SP2: variants seen among roughly 807,000 people sequenced by gnomAD.
The protein encoded by SP2 is Sp2 transcription factor, also known as transcription factor Sp2.
Under a neutral mutation model 50.1 loss-of-function variants are expected in SP2, and 9 were observed. That is an observed-to-expected ratio of 0.18 (90% confidence interval 0.11 to 0.31). The LOEUF is 0.31. SP2 is among the 10% of genes least tolerant of loss of function. The pLI is 1.00. For missense variants in SP2, 581 were observed against 806.5 expected (o/e 0.72, Z 3.39); for synonymous variants, 313 against 326.6 (o/e 0.96, Z 0.45).
At chr17:47,926,722 G>A (rs1347076957) in intron 6 of SP2, among the ~76,000 whole-genome samples, 2 of 151,746 alleles carry the variant, frequency 1.3e-5, no homozygotes, top group East Asian at 1.9e-4. Flanking sequence ...CTAGGAGTTC[G>A]AGACCAGCCA....
intron 1 of SP2, chr17:47,898,591 ATACT>A (rs1161301603): frequency 6.6e-6 from 1 of 152,096 alleles, no homozygotes; most frequent in African/African-American, 2.4e-5. Context: ...TTTTTTTCTA[ATACT>A]TATTTTTTCA....
intron 1 of SP2, chr17:47,909,663 G>A (rs981624061): frequency 1.0e-5 from 10 of 975,506 alleles, no homozygotes; most frequent in African/African-American, 3.5e-5. Context: ...TTGTTTTACA[G>A]AGGGCACTAG....
At position 47,898,388 on chromosome 17, in the gene SP2, G is replaced by A. The variant is rs558489778; in HGVS notation, c.7+2095G>A. On this transcript the variant is annotated intron_variant, in intron 1 of 6. Coordinates refer to ENST00000376741, the MANE Select transcript of SP2 (RefSeq NM_003110.6). ...TGGTTAATACCAGCTTTTTGGAGAA[G>A]TTGAACAGTCCTTTGCTATAGGTCT... The A allele has an allele frequency of 8.5e-5, 13 of 152,324 alleles. No homozygotes were observed. In the South Asian group the frequency reaches 2.5e-3, roughly 29 times the overall value. 9.4% of individuals were successfully genotyped at this position (152,324 alleles called of 1,614,324 possible).
intron 1 of SP2, among the ~76,000 whole-genome samples, chr17:47,907,306 C>T (rs561789494): frequency 1.3e-4 from 20 of 152,212 alleles, no homozygotes; most frequent in Non-Finnish European, 2.5e-4. Context: ...AGTCTAGAAA[C>T]TCAGGGGATG....
intron 1 of SP2, among the ~76,000 whole-genome samples, chr17:47,902,143 T>C (rs2034567599): frequency 1.3e-5 from 2 of 152,068 alleles, no homozygotes; most frequent in African/African-American, 2.4e-5. Context: ...AGCCTTTTTC[T>C]ATCTGGGGTG....
intron 1 of SP2, among the ~76,000 whole-genome samples, chr17:47,897,005 G>T (rs550068733): frequency 1.3e-5 from 2 of 152,358 alleles, no homozygotes; most frequent in African/African-American, 4.8e-5. Context: ...TAGCAGAATT[G>T]TGAGAAGTTT....
chr17:47,906,260 G>A (rs1598113148), intron 1 of SP2, among the ~76,000 whole-genome samples: 1 of 152,216 alleles, frequency 6.6e-6, no homozygotes, highest in African/African-American at 2.4e-5. Context: ...ATGAGGACTT[G>A]ATGATTGGTT....
In SP2 at chr17:47,928,293, TCGGGGC is replaced by T. The variant is rs1471972947; in HGVS notation, c.*471_*476del. The T allele has an allele frequency of 6.5e-6, 1 of 153,242 alleles. No individual in the cohort carries two copies. Among genetic ancestry groups the T allele is most frequent in the African/African-American group, 2.5e-5 (1 of 40,456 alleles). 9.5% of individuals were successfully genotyped at this position (153,242 alleles called of 1,614,324 possible). ...GCTTGGCACCCACCTCTGGAGAAAC[TCGGGGC>T]CACCTCCACTCCATGTGCCCAGCCC... On this transcript the variant is annotated 3_prime_UTR_variant, in exon 7 of 7. Transcript: ENST00000376741.
intron 6 of SP2, among the ~76,000 whole-genome samples, chr17:47,926,715 G>C (rs1416392112): frequency 6.6e-6 from 1 of 151,878 alleles, no homozygotes; most frequent in Non-Finnish European, 1.5e-5. Context: ...CTTGAGCCTA[G>C]GAGTTCGAGA....
chr17:47,912,513 C>T (rs554677243), intron 1 of SP2, among the ~76,000 whole-genome samples: 4 of 150,806 alleles, frequency 2.7e-5, no homozygotes, highest in African/African-American at 9.8e-5. Context: ...GGTGTGATCA[C>T]GACTCACTGT....
chr17:47,923,711 T>G (rs1044598824), intron 4 of SP2, among the ~76,000 whole-genome samples: 7 of 152,316 alleles, frequency 4.6e-5, no homozygotes, highest in Middle Eastern at 3.4e-3. Context: ...TGGCTCCTTA[T>G]GTAGGGGGAG....
intron 1 of SP2, chr17:47,897,853 G>A (rs1364166334): frequency 8.1e-6 from 8 of 985,256 alleles, no homozygotes; most frequent in Non-Finnish European, 8.4e-6. Flanking sequence ...TTGGGCTGAT[G>A]ATGTCAGTGT....
At chr17:47,903,962 CA>C (rs1349516268) in intron 1 of SP2, among the ~76,000 whole-genome samples, 221 of 118,182 alleles carry the variant, frequency 1.9e-3, no homozygotes, top group Non-Finnish European at 1.6e-3. Context: ...GACTTTGTCT[CA>C]AAAAAAAAAA....
chr17:47,926,946 G>T (rs960719832), intron 6 of SP2, among the ~76,000 whole-genome samples: 2 of 152,172 alleles, frequency 1.3e-5, no homozygotes, highest in African/African-American at 4.8e-5. Flanking sequence ...GGTGGGACAG[G>T]TCCTACTCCC....
At chr17:47,914,052 G>A (rs973139211) in intron 1 of SP2, among the ~76,000 whole-genome samples, 3 of 152,184 alleles carry the variant, frequency 2.0e-5, no homozygotes, top group East Asian at 3.9e-4. Context: ...ATTGTACTAT[G>A]TAAAAGCGTA....
intron 1 of SP2, among the ~76,000 whole-genome samples, chr17:47,909,263 A>C (rs2034886759): frequency 6.6e-6 from 1 of 152,192 alleles, no homozygotes; most frequent in Admixed American, 6.5e-5. Flanking sequence ...TAGAAATGCA[A>C]TCCAAAATTG....
intron 1 of SP2, among the ~76,000 whole-genome samples, chr17:47,897,168 C>G (rs1012528655): frequency 6.6e-6 from 1 of 152,226 alleles, no homozygotes; most frequent in Non-Finnish European, 1.5e-5. Flanking sequence ...CACCTCCATC[C>G]CCATTGCTGA....
chr17:47,916,749 G>C lies in SP2; in HGVS notation c.678G>C (p.Gly226=). ...VNNLVNASDT[G]APTQLLTESP... ...ACCTTGTGAACGCCAGTGACACCGG[G>C]GCCCCTACTCAGCTCCTCACTGAAA... is the stretch of plus-strand genomic sequence containing the variant. The change falls in exon 3 of 7, where the codon GGG becomes GGC. Residue 226 remains glycine (G), a synonymous_variant. Coordinates refer to ENST00000376741, the MANE Select transcript of SP2 (RefSeq NM_003110.6). The surrounding 1 kb of genome is among the most constrained non-coding windows in gnomAD (Gnocchi z 4.7). 1.2e-6 allele frequency: 2 copies of C among 1,613,120 alleles called. No individual in the cohort carries two copies. The highest frequency in any genetic ancestry group is 1.1e-5 in the South Asian group (1 of 91,024).
intron 1 of SP2, among the ~76,000 whole-genome samples, chr17:47,912,986 T>G (rs2035051473): frequency 6.6e-6 from 1 of 151,628 alleles, no homozygotes; most frequent in Admixed American, 6.6e-5. Context: ...CAGCCTCCTG[T>G]GTAGCTGGGA....
Sources: gnomAD v4.1 joint callset for allele counts (sites outside exome capture counted in the v4.1 genomes callset) on GRCh38, gnomAD v4.1.1 for gene constraint, Gnocchi (gnomAD v3.1) non-coding constraint, MANE v1.5 for transcripts, NCBI Gene and HGNC (gene_info 2026-07-23, HGNC 2026-07-21) for gene names.